The following CUX1 variants were observed in gnomAD, a reference collection of about 807,000 sequenced individuals.
CUX1 encodes the protein protein CASP.
CUX1 carries 31 observed loss-of-function variants against 158.8 expected under a neutral mutation model. That is an observed-to-expected ratio of 0.20 (90% CI 0.15 to 0.26). The LOEUF (loss-of-function observed/expected upper bound fraction) is 0.26. Ranked by LOEUF, CUX1 falls within the 10% of genes least tolerant of loss-of-function variation. CUX1 has a pLI of 1.00. For synonymous variants in CUX1, 879 were observed against 862.1 expected, an observed-to-expected ratio of 1.02 and a Z score of -0.34; for missense variants, 1,589 against 2,014.6, an observed-to-expected ratio of 0.79 and a Z score of 4.04.
chr7:102,073,187 T>TTTTTTTTTTTC, intron 4 of CUX1, among the ~76,000 whole-genome samples: 2 of 125,118 alleles, frequency 1.6e-5, no homozygotes, highest in African/African-American at 3.2e-5. Context: ...TTTTTTTTTT[T>TTTTTTTTTTTC]TTCTGAGACA....
At chr7:101,974,593 T>A (rs1812409224) in intron 2 of CUX1, among the ~76,000 whole-genome samples, 1 of 152,170 alleles carries the variant, frequency 6.6e-6, no homozygotes, top group South Asian at 2.1e-4. Flanking sequence ...TAAATATAGA[T>A]GTAGATATAT....
At chr7:102,258,919 G>C (rs1586477687), downstream of CUX1, among the ~76,000 whole-genome samples, 1 of 152,296 alleles carries the variant, frequency 6.6e-6, no homozygotes, top group South Asian at 2.1e-4. Context: ...GGTGGGGGGA[G>C]AGCTCTGCAG....
chr7:102,165,544 T>C (rs918783310), intron 9 of CUX1, among the ~76,000 whole-genome samples: 4 of 151,958 alleles, frequency 2.6e-5, no homozygotes, highest in African/African-American at 7.3e-5. Context: ...TTTGTATTTT[T>C]AGTAGAGACA....
At chr7:101,913,323 C>T in intron 1 of CUX1, 1 of 1,261,880 alleles carries the variant, frequency 7.9e-7, no homozygotes, top group South Asian at 1.3e-5. Flanking sequence ...GTTTCCCATG[C>T]CGACCTGCAT....
chr7:102,202,264 G>A (rs1176312313), intron 18 of CUX1, 60 bp downstream of exon 18: 25 of 1,536,394 alleles, frequency 1.6e-5, no homozygotes, highest in Non-Finnish European at 2.0e-5. Context: ...TGAGGACCAA[G>A]TATCTATCCC....
At chr7:102,080,239 T>C (rs1827224986) in intron 4 of CUX1, among the ~76,000 whole-genome samples, 1 of 152,102 alleles carries the variant, frequency 6.6e-6, no homozygotes, top group Non-Finnish European at 1.5e-5. Flanking sequence ...TCGGTGTGCT[T>C]GCGTGGAGAG....
intron 2 of CUX1, among the ~76,000 whole-genome samples, chr7:102,013,867 G>A (rs1487614597): frequency 6.6e-6 from 1 of 151,990 alleles, no homozygotes. Flanking sequence ...ACCATGCCTC[G>A]CTAATTTTTG....
At chr7:102,107,061 C>G (rs1017103327) in intron 6 of CUX1, among the ~76,000 whole-genome samples, 3 of 151,872 alleles carry the variant, frequency 2.0e-5, no homozygotes, top group East Asian at 1.9e-4. Flanking sequence ...TATGCCATCT[C>G]TATGGCATGA....
At chr7:102,189,331 C>G (rs946886370) in intron 11 of CUX1, among the ~76,000 whole-genome samples, 11 of 147,920 alleles carry the variant, frequency 7.4e-5, no homozygotes, top group African/African-American at 2.8e-4. Context: ...TGCTTTTCAC[C>G]TCTGCAAAGA....
At chr7:102,087,577 T>G (rs1481400441) in intron 4 of CUX1, among the ~76,000 whole-genome samples, 1 of 151,924 alleles carries the variant, frequency 6.6e-6, no homozygotes, top group African/African-American at 2.4e-5. Flanking sequence ...CAAAACTCCA[T>G]CTCAAAAAAA....
chr7:102,027,987 A>G (rs1486596700), intron 2 of CUX1, 111 bp from the exon 3 acceptor site: 3 of 1,074,174 alleles, frequency 2.8e-6, no homozygotes, highest in East Asian at 2.4e-5. Context: ...CTTGCTTTAG[A>G]TAGTGATAAT....
At chr7:102,219,207 T>C (rs1797565140) in intron 20 of CUX1, among the ~76,000 whole-genome samples, 1 of 151,880 alleles carries the variant, frequency 6.6e-6, no homozygotes, top group Admixed American at 6.6e-5. Context: ...TGTGTGTGTG[T>C]GTGAGAGAGA....
intron 17 of CUX1, 131 bp downstream of exon 17, chr7:102,200,303 A>C (rs1335484484): frequency 1.5e-6 from 1 of 673,056 alleles, no homozygotes; most frequent in African/African-American, 1.9e-5. Flanking sequence ...GCATTTAGGC[A>C]CGTAGAGAGA....
At chr7:102,130,198 A>AT (rs1833063441) in intron 8 of CUX1, among the ~76,000 whole-genome samples, 2 of 152,152 alleles carry the variant, frequency 1.3e-5, no homozygotes, top group Admixed American at 1.3e-4. Flanking sequence ...TGCAATATGA[A>AT]TTTTTAATGC....
intron 8 of CUX1, among the ~76,000 whole-genome samples, chr7:102,134,961 C>T (rs1239033690): frequency 1.3e-5 from 2 of 152,092 alleles, no homozygotes; most frequent in Non-Finnish European, 2.9e-5. Context: ...GGAAACTGGG[C>T]AGTAATTCTA....
At chr7:102,178,016 C>T (rs1023176013) in intron 10 of CUX1, among the ~76,000 whole-genome samples, 2 of 152,106 alleles carry the variant, frequency 1.3e-5, no homozygotes, top group Non-Finnish European at 2.9e-5. Flanking sequence ...CTCAGCCTCC[C>T]GAGTAGCTGG....
chr7:102,126,682 C>T (rs1310968294), intron 8 of CUX1, among the ~76,000 whole-genome samples: 1 of 152,200 alleles, frequency 6.6e-6, no homozygotes, highest in Non-Finnish European at 1.5e-5. Flanking sequence ...TCTAACACAG[C>T]TGTCCCCAAC....
Position 102,254,614 on chromosome 7 carries a change from G to A in CUX1, c.*5572G>A, listed in dbSNP as rs1256550797. On this transcript the variant is annotated 3_prime_UTR_variant, in exon 24 of 24. Coordinates refer to ENST00000292535, the MANE Select transcript of CUX1 (RefSeq NM_181552.4). ...TTTGCAAGTAAGAACCTAAGGATGG[G>A]GACAGCATCCTGTGCTTGGGCATTG... The A allele has an allele frequency of 1.0e-6, 1 of 985,322 alleles. No homozygotes were observed. The highest frequency in any genetic ancestry group is 1.1e-4 in the East Asian group (1 of 8,828). 61.0% of individuals were successfully genotyped at this position (985,322 alleles called of 1,614,324 possible).
Position 102,256,504 on chromosome 7 carries a change from T to C in CUX1, c.*7462T>C, listed in dbSNP as rs1340755634. 3.0e-6 allele frequency: 3 copies of C among 985,266 alleles called. No individual in the cohort carries two copies. The Admixed American group carries it at 1.8e-4, about 61-fold the overall frequency. 61.0% of individuals were successfully genotyped at this position (985,266 alleles called of 1,614,324 possible). A position where few individuals can be genotyped will look rare whatever the true frequency, so the allele number is the denominator to read the frequency against. On this transcript the variant is annotated 3_prime_UTR_variant, in exon 24 of 24. Transcript: ENST00000292535. Reference sequence around the variant, plus strand: ...GAACCAAGGCGTCTGGGGGATTGACTGGGGGGCAGAGGGGGTTTCCCCAGC... The same window carrying C: ...GAACCAAGGCGTCTGGGGGATTGACCGGGGGGCAGAGGGGGTTTCCCCAGC...
Sources: gnomAD v4.1 joint callset for allele counts (sites outside exome capture counted in the v4.1 genomes callset) on GRCh38, gnomAD v4.1.1 for gene constraint, MANE v1.5 for transcripts, NCBI Gene and HGNC (gene_info 2026-07-23, HGNC 2026-07-21) for gene names.